CHD2: variants seen among roughly 807,000 people sequenced by gnomAD.
CHD2 encodes chromodomain helicase DNA binding protein 2.
CHD2 carries 28 observed loss-of-function variants against 243.9 expected under a neutral mutation model. The observed-to-expected ratio is 0.11, with a 90% CI of 0.09 to 0.16. The LOEUF (loss-of-function observed/expected upper bound fraction) is 0.16, where lower values mean the gene tolerates loss of function less well. CHD2 is among the 10% of genes least tolerant of loss of function. The probability of loss-of-function intolerance (pLI) is 1.00; values close to 1 mark genes in which losing one functional copy is unlikely to be tolerated. For missense variants in CHD2, 1,386 were observed against 2,209.8 expected (o/e 0.63, Z 7.47); for synonymous variants, 775 against 779.0 (o/e 0.99, Z 0.09).
intron 5 of CHD2, among the ~76,000 whole-genome samples, chr15:92,932,012 G>A (rs925220490): frequency 9.2e-5 from 14 of 151,930 alleles, no homozygotes; most frequent in African/African-American, 1.9e-4. Flanking sequence ...ACAGGCGTGC[G>A]CCACCACGTC....
At chr15:92,987,992 C>T (rs1262795752) in intron 26 of CHD2, among the ~76,000 whole-genome samples, 4 of 152,156 alleles carry the variant, frequency 2.6e-5, no homozygotes, top group Non-Finnish European at 5.9e-5. Flanking sequence ...TCACCATCCC[C>T]ATTTGTGCTG....
intron 3 of CHD2, among the ~76,000 whole-genome samples, chr15:92,925,606 G>A (rs916008875): frequency 2.0e-5 from 3 of 152,094 alleles, no homozygotes; most frequent in Non-Finnish European, 4.4e-5. Context: ...TCTAGCAGAG[G>A]GCCAGGTGTG....
chr15:92,969,511 T>A (rs1261850704), intron 17 of CHD2, among the ~76,000 whole-genome samples: 1 of 152,220 alleles, frequency 6.6e-6, no homozygotes, highest in Non-Finnish European at 1.5e-5. Context: ...CTCAGAAGAC[T>A]GGCCTCTTTC....
At position 92,940,911 on chromosome 15, in the gene CHD2, TATAA is replaced by T. The variant is rs2053362301; in HGVS notation, c.693-907_693-904del. ...ATATAAAAATATATATAAATATATA[TATAA>T]ATATACATATAAATATATATAAAAT... On this transcript the variant is annotated intron_variant, in intron 7 of 38. Transcript: ENST00000394196. 8.6e-5 allele frequency among the ~76,000 whole-genome samples: 8 copies of T among 93,324 alleles called. No homozygotes were observed. The South Asian group carries it at 3.2e-3, about 38-fold the overall frequency. 61.2% of individuals were successfully genotyped at this position (93,324 alleles called of 152,430 possible). A position where few individuals can be genotyped will look rare whatever the true frequency, so the allele number is the denominator to read the frequency against.
At chr15:93,019,419 G>T (rs574707083) in intron 37 of CHD2, among the ~76,000 whole-genome samples, 3 of 152,282 alleles carry the variant, frequency 2.0e-5, no homozygotes, top group African/African-American at 7.2e-5. Context: ...AGAAGGAGAG[G>T]AGTAGTAAAT....
chr15:93,014,989 T>C (rs2054440165), intron 37 of CHD2, 80 bp downstream of exon 37: 2 of 1,091,404 alleles, frequency 1.8e-6, no homozygotes, highest in South Asian at 2.6e-5. Flanking sequence ...CCAAAGACAC[T>C]GGCTAGACTT....
At chr15:92,960,034 C>G (rs1474065508) in intron 16 of CHD2, among the ~76,000 whole-genome samples, 1 of 152,112 alleles carries the variant, frequency 6.6e-6, no homozygotes, top group Non-Finnish European at 1.5e-5. Flanking sequence ...TTATTTAGAT[C>G]TTCTATAATT....
intron 34 of CHD2, among the ~76,000 whole-genome samples, chr15:93,005,019 T>G (rs530739658): frequency 6.6e-6 from 1 of 152,296 alleles, no homozygotes; most frequent in South Asian, 2.1e-4. Context: ...CTTAGAGGCA[T>G]TTGGGAAAGA....
At chr15:92,904,889 G>A (rs1320119066) in intron 2 of CHD2, 2 of 1,534,712 alleles carry the variant, frequency 1.3e-6, no homozygotes, top group East Asian at 2.4e-5. Context: ...CTTGACGGGT[G>A]TTAACAGCTG....
rs1044272044 is a variant in CHD2, at chr15:93,024,761, C to A, written c.*56C>A. ...CACCAAACACGTGGATATTTTTGGT[C>A]TGATCCTACAGTAGCCGGTTATCTA... On this transcript the variant is annotated 3_prime_UTR_variant, in exon 39 of 39. Coordinates refer to ENST00000394196, the MANE Select transcript of CHD2 (RefSeq NM_001271.4). The A allele has an allele frequency of 6.1e-6, 9 of 1,468,262 alleles. No individual in the cohort carries two copies. Among genetic ancestry groups the A allele is most frequent in the Non-Finnish European group, 7.4e-6 (8 of 1,078,612 alleles). The allele number at this position is 1,468,262 out of a possible 1,614,324, so 91.0% of individuals were successfully genotyped here.
intron 2 of CHD2, chr15:92,902,484 C>T: frequency 7.7e-6 from 2 of 261,076 alleles, no homozygotes; most frequent in East Asian, 6.8e-5. Context: ...TTCTATTAGG[C>T]TAGTGAATTT....
At chr15:92,940,881 AAT>A (rs1468066103) in intron 7 of CHD2, among the ~76,000 whole-genome samples, 14 of 93,776 alleles carry the variant, frequency 1.5e-4, no homozygotes, top group African/African-American at 4.2e-4. Flanking sequence ...TATACATATA[AAT>A]ATATATAAAA....
At chr15:92,999,794 T>C (rs188314339) in intron 31 of CHD2, among the ~76,000 whole-genome samples, 1 of 152,366 alleles carries the variant, frequency 6.6e-6, no homozygotes, top group East Asian at 1.9e-4. Context: ...AACAGTATTT[T>C]AACCTTTTCC....
At chr15:92,944,136 A>C (rs2053425217) in intron 9 of CHD2, 1 of 201,030 alleles carries the variant, frequency 5.0e-6, no homozygotes, top group South Asian at 1.6e-4. Context: ...ATCACATAAA[A>C]GAGTTATTTT....
chr15:92,992,037 G>C (rs1422173755), intron 27 of CHD2, among the ~76,000 whole-genome samples: 1 of 152,176 alleles, frequency 6.6e-6, no homozygotes, highest in Non-Finnish European at 1.5e-5. Context: ...TAATTCAGAA[G>C]TTAGATTTTA....
intron 2 of CHD2, among the ~76,000 whole-genome samples, chr15:92,920,400 A>C (rs757632323): frequency 2.0e-5 from 3 of 152,276 alleles, no homozygotes; most frequent in African/African-American, 7.2e-5. Context: ...GGGGAATGTT[A>C]TATAAAATGT....
chr15:92,915,329 C>T (rs968501462), intron 2 of CHD2, among the ~76,000 whole-genome samples: 20 of 151,750 alleles, frequency 1.3e-4, no homozygotes, highest in African/African-American at 4.6e-4. Context: ...GGCTGGAGTG[C>T]AGTGGTGCGA....
At position 93,024,557 on chromosome 15, in the gene CHD2, T is replaced by C; in HGVS notation, c.5339T>C (p.Leu1780Ser). The C allele has an allele frequency of 6.2e-7, 1 of 1,614,180 alleles. No individual in the cohort carries two copies. Among genetic ancestry groups the C allele is most frequent in the Non-Finnish European group, 8.5e-7 (1 of 1,180,028 alleles). Residue 1780 changes from leucine to serine, a missense_variant, in exon 39 of 39, where the codon TTG (leucine) becomes TCG (serine). This residue lies in a region of CHD2 where 347 missense variants were observed against 341.6 expected (regional missense o/e 1.02). Coordinates refer to ENST00000394196, the MANE Select transcript of CHD2 (RefSeq NM_001271.4). The part of the protein sequence containing the change: ...LGEYKQPLPP[L>S]HPAVSDPRSP... ...GAATATAAACAGCCTCTACCCCCAT[T>C]GCACCCTGCAGTCTCAGATCCTCGC...
intron 17 of CHD2, among the ~76,000 whole-genome samples, chr15:92,971,427 A>G (rs1376197670): frequency 6.6e-6 from 1 of 152,122 alleles, no homozygotes; most frequent in Non-Finnish European, 1.5e-5. Flanking sequence ...CATGTGTGTA[A>G]ATATGTAAAA....
Sources: allele counts gnomAD v4.1 joint callset (sites outside exome capture counted in the v4.1 genomes callset), GRCh38; gene constraint gnomAD v4.1.1; regional missense constraint gnomAD v4.1.1; transcripts MANE v1.5; gene names NCBI Gene and HGNC (gene_info 2026-07-23, HGNC 2026-07-21).